Variants in ROBO2 observed in about 807,000 individuals in gnomAD.
The protein encoded by ROBO2 is roundabout homolog 2.
A neutral mutation model predicts 160.8 loss-of-function variants in ROBO2; 53 were observed. That is an observed-to-expected ratio of 0.33 (90% CI 0.26 to 0.41). The LOEUF is 0.41. ROBO2 is among the 10% of genes least tolerant of loss of function. The probability of loss-of-function intolerance (pLI) is 1.00; values close to 1 mark genes in which losing one functional copy is unlikely to be tolerated. For missense variants in ROBO2, 1,577 were observed against 1,722.4 expected (o/e 0.92, Z 1.49); for synonymous variants, 664 against 611.7 (o/e 1.09, Z -1.26).
intron 5 of ROBO2, among the ~76,000 whole-genome samples, chr3:77,508,098 A>G (rs1000468574): frequency 1.3e-5 from 2 of 151,810 alleles, no homozygotes; most frequent in African/African-American, 4.8e-5. Context: ...ATATGAATGT[A>G]GAAAGAAGAA....
intron 2 of ROBO2, among the ~76,000 whole-genome samples, chr3:77,303,285 A>G (rs1466625658): frequency 6.6e-6 from 1 of 152,216 alleles, no homozygotes; most frequent in Non-Finnish European, 1.5e-5. Context: ...CAGATCACAC[A>G]GAGTGGACAC....
chr3:76,505,002 T>C (rs549720234), intron 2 of ROBO2, among the ~76,000 whole-genome samples: 42 of 152,328 alleles, frequency 2.8e-4, no homozygotes, highest in Non-Finnish European at 5.1e-4. Context: ...CACTAAGCTT[T>C]ATTTTTGTAT....
chr3:77,512,978 A>G (rs1379079587), intron 5 of ROBO2, among the ~76,000 whole-genome samples: 1 of 151,926 alleles, frequency 6.6e-6, no homozygotes, highest in African/African-American at 2.4e-5. Context: ...CAGAAATCTT[A>G]TAATAAGAAG....
At chr3:76,947,689 C>T (rs563271949) in intron 2 of ROBO2, among the ~76,000 whole-genome samples, 8 of 151,240 alleles carry the variant, frequency 5.3e-5, no homozygotes, top group South Asian at 4.2e-4. Flanking sequence ...TTTCAAATTC[C>T]TGCAATCGAT....
At chr3:76,438,915 G>T (rs1391123829) in intron 2 of ROBO2, among the ~76,000 whole-genome samples, 2 of 151,730 alleles carry the variant, frequency 1.3e-5, no homozygotes, top group African/African-American at 4.8e-5. Context: ...AAGAGAAAAG[G>T]AAACAAAGGG....
At chr3:77,256,400 T>G (rs2058415617) in intron 2 of ROBO2, among the ~76,000 whole-genome samples, 1 of 152,206 alleles carries the variant, frequency 6.6e-6, no homozygotes, top group African/African-American at 2.4e-5. Context: ...TTGAGCAAAT[T>G]ATTTAACCTC....
rs188412900 is a variant in ROBO2, at chr3:76,736,891, C to T, written c.110-361123C>T. ...TAACAAAAGTACCTTTCTATATTGT[C>T]GACAGTAAATGGTAATCTAAAATAT... On this transcript the variant is annotated intron_variant, in intron 2 of 26. Transcript: ENST00000487694. Among the ~76,000 whole-genome samples the T allele has an allele frequency of 1.5e-3, 230 of 152,122 alleles. 1 individual carries two copies. The Middle Eastern group carries it at 0.017, about 11-fold the overall frequency.
At chr3:77,567,042 T>C (rs907875244) in intron 12 of ROBO2, among the ~76,000 whole-genome samples, 3 of 151,958 alleles carry the variant, frequency 2.0e-5, no homozygotes, top group Non-Finnish European at 4.4e-5. Flanking sequence ...AAAGGGACTT[T>C]TTTCAAATTA....
chr3:77,196,376 C>T (rs1214285988), intron 2 of ROBO2, among the ~76,000 whole-genome samples: 2 of 145,932 alleles, frequency 1.4e-5, no homozygotes, highest in African/African-American at 5.1e-5. Flanking sequence ...ACAGAGAATT[C>T]GCAAACCCAG....
At chr3:77,640,304 G>A (rs1036783388) in intron 24 of ROBO2, among the ~76,000 whole-genome samples, 2 of 151,948 alleles carry the variant, frequency 1.3e-5, no homozygotes, top group Non-Finnish European at 2.9e-5. Flanking sequence ...TAGTAGAGAC[G>A]GGGTTTCACT....
chr3:76,846,853 A>G (rs1577015234), intron 2 of ROBO2, among the ~76,000 whole-genome samples: 1 of 152,118 alleles, frequency 6.6e-6, no homozygotes, highest in Non-Finnish European at 1.5e-5. Context: ...TTTTTGACCA[A>G]TACTGGTCTG....
chr3:77,051,784 C>T (rs79793673), intron 1 of ROBO2, among the ~76,000 whole-genome samples: 2 of 152,246 alleles, frequency 1.3e-5, no homozygotes, highest in African/African-American at 4.8e-5. Flanking sequence ...AAGGATATAC[C>T]TGGGAGGGGC....
chr3:76,876,487 T>C (rs551664898), intron 2 of ROBO2, among the ~76,000 whole-genome samples: 45 of 152,138 alleles, frequency 3.0e-4, no homozygotes, highest in African/African-American at 1.0e-3. Flanking sequence ...CCAGCCTGGC[T>C]AACATGATAA....
chr3:77,065,219 C>A (rs1291475777), intron 1 of ROBO2, among the ~76,000 whole-genome samples: 3 of 152,120 alleles, frequency 2.0e-5, no homozygotes, highest in Non-Finnish European at 4.4e-5. Flanking sequence ...CAGAAGCTCC[C>A]TGGGAAAGAG....
chr3:75,940,259 A>T (rs1486402271), intron 2 of ROBO2, among the ~76,000 whole-genome samples: 1 of 152,170 alleles, frequency 6.6e-6, no homozygotes, highest in Non-Finnish European at 1.5e-5. Context: ...ATATCATAGT[A>T]TATCTCAACT....
At chr3:76,209,962 T>C (rs959953589) in intron 2 of ROBO2, among the ~76,000 whole-genome samples, 3 of 152,074 alleles carry the variant, frequency 2.0e-5, no homozygotes, top group Non-Finnish European at 2.9e-5. Context: ...TGGAATATTA[T>C]AGTAAAAGAA....
Position 77,225,230 on chromosome 3 carries a change from C to G in ROBO2, c.388+126890C>G, listed in dbSNP as rs183133023. ...AAATTATTAAAATTTATTGTAGGCA[C>G]TTTGTTTTTTAAGTGGGAGATAAAA... On this transcript the variant is annotated intron_variant, in intron 2 of 25. Coordinates refer to ENST00000461745, the Ensembl canonical transcript of ROBO2. 8.6e-5 allele frequency among the ~76,000 whole-genome samples: 13 copies of G among 151,926 alleles called. No individual in the cohort carries two copies. The East Asian group carries it at 2.5e-3, about 29-fold the overall frequency.
intron 2 of ROBO2, among the ~76,000 whole-genome samples, chr3:77,391,052 C>T (rs548938342): frequency 1.3e-5 from 2 of 152,146 alleles, no homozygotes; most frequent in Admixed American, 6.6e-5. Context: ...CTGCATCCCC[C>T]TCAAAAGGCA....
intron 2 of ROBO2, among the ~76,000 whole-genome samples, chr3:76,154,122 A>G (rs576745063): frequency 2.6e-5 from 4 of 152,172 alleles, no homozygotes; most frequent in Admixed American, 2.6e-4. Flanking sequence ...TTTAAGGGGG[A>G]AGTTGGAGAT....
Sources: gnomAD v4.1 joint callset for allele counts (sites outside exome capture counted in the v4.1 genomes callset) on GRCh38, gnomAD v4.1.1 for gene constraint, MANE v1.5 for transcripts, NCBI Gene and HGNC (gene_info 2026-07-23, HGNC 2026-07-21) for gene names.